Variants in LRRC31 observed in about 807,000 individuals in gnomAD.
The protein encoded by LRRC31 is leucine rich repeat containing 31.
Under a neutral mutation model 46.7 loss-of-function variants are expected in LRRC31, and 35 were observed. The ratio of observed to expected loss-of-function variants is 0.75; its 90% CI spans 0.57 to 0.99. The LOEUF is 0.99. LRRC31 is among the 50% of genes least tolerant of loss of function. The probability of loss-of-function intolerance (pLI) is 0.00; values close to 1 mark genes in which losing one functional copy is unlikely to be tolerated. For missense variants in LRRC31, 613 were observed against 626.1 expected, an observed-to-expected ratio of 0.98 and a Z score of 0.22; for synonymous variants, 236 against 235.1, an observed-to-expected ratio of 1.00 and a Z score of -0.03.
intron 1 of LRRC31, among the ~76,000 whole-genome samples, 158 bp downstream of exon 1, chr3:169,869,475 T>A (rs1454506644): frequency 6.6e-6 from 1 of 152,066 alleles, no homozygotes; most frequent in Non-Finnish European, 1.5e-5. Context: ...CACAATATGA[T>A]TATTAGGCAT....
intron 1 of LRRC31, among the ~76,000 whole-genome samples, chr3:169,865,851 CG>C (rs2108230361): frequency 6.6e-6 from 1 of 151,786 alleles, no homozygotes; most frequent in Admixed American, 6.6e-5. Context: ...AGGGATAAGT[CG>C]GGGGGTTGCA....
At chr3:169,856,292 T>TATA (rs776422337) in intron 5 of LRRC31, 44 bp downstream of exon 5, 57 of 1,243,862 alleles carry the variant, frequency 4.6e-5, no homozygotes, top group Non-Finnish European at 6.2e-5. Flanking sequence ...GTATATCATA[T>TATA]ATAATTATAC....
In LRRC31 at chr3:169,840,159, A is replaced by G; in HGVS notation, c.1482T>C (p.Asn494=). The change falls in exon 9 of 9, where the codon AAT becomes AAC. Residue 494 remains asparagine, a synonymous_variant. Coordinates refer to ENST00000316428, the MANE Select transcript of LRRC31 (RefSeq NM_024727.4). ...TAAACCATTGTCCACAATCTCGAAA[A>G]TTTGATGGTCGAAGGCTAATATCCA... ...IELDISLRPS[N]FRDCGQWFRH... is the part of the protein sequence containing the mutation. The G allele has an allele frequency of 3.1e-6, 5 of 1,614,142 alleles. No homozygotes were observed. The highest frequency in any genetic ancestry group is 4.2e-6 in the Non-Finnish European group (5 of 1,180,036).
chr3:169,846,826 G>A (rs1780618578), intron 8 of LRRC31, among the ~76,000 whole-genome samples: 2 of 152,192 alleles, frequency 1.3e-5, no homozygotes, highest in South Asian at 4.1e-4. Context: ...ATGTAAAACT[G>A]TATTGCTATT....
intron 3 of LRRC31, 115 bp from the exon 4 acceptor site, chr3:169,856,987 C>T (rs1174899861): frequency 1.1e-6 from 1 of 947,330 alleles, no homozygotes; most frequent in East Asian, 2.7e-5. Flanking sequence ...CAGGTACTGT[C>T]CTGTTTGGCA....
chr3:169,854,285 T>C (rs1274725867), intron 6 of LRRC31, among the ~76,000 whole-genome samples: 3 of 152,238 alleles, frequency 2.0e-5, no homozygotes, highest in Non-Finnish European at 4.4e-5. Context: ...GCTTGCTCTG[T>C]TATGGGAAAT....
chr3:169,841,833 T>C lies in LRRC31; in HGVS notation c.1328-1520A>G, dbSNP rs572810411. The stretch of plus-strand genomic sequence containing the variant: ...AGGCTGAGGTGAGTGGATCACCAGG[T>C]CAGGAGTTCGAGACCAGCCTGGCCA... On this transcript the variant is annotated intron_variant, in intron 8 of 8. Transcript: ENST00000316428. Among the ~76,000 whole-genome samples the C allele has an allele frequency of 5.9e-5, 9 of 152,088 alleles. No individual in the cohort carries two copies. In the South Asian group the frequency reaches 1.4e-3, roughly 25 times the overall value.
chr3:169,863,039 C>T (rs1184624239), intron 1 of LRRC31, among the ~76,000 whole-genome samples: 4 of 151,796 alleles, frequency 2.6e-5, no homozygotes, highest in Non-Finnish European at 5.9e-5. Flanking sequence ...CCTGCCACCA[C>T]GCCCGGCTAA....
chr3:169,861,643 T>C, intron 2 of LRRC31, 27 bp downstream of exon 2: 1 of 1,609,894 alleles, frequency 6.2e-7, no homozygotes, highest in Admixed American at 1.7e-5. Context: ...CCTATCTTCC[T>C]CTATGCAAAG....
intron 8 of LRRC31, among the ~76,000 whole-genome samples, chr3:169,845,485 G>A (rs1016182544): frequency 2.6e-5 from 4 of 152,134 alleles, no homozygotes; most frequent in African/African-American, 7.2e-5. Flanking sequence ...TCAAGACAGC[G>A]TGATATTGGT....
chr3:169,869,034 T>TGGGCAACATGATGAAACCCCATCTCTAC (rs1560637239), intron 1 of LRRC31, among the ~76,000 whole-genome samples: 1 of 151,100 alleles, frequency 6.6e-6, no homozygotes, highest in Admixed American at 6.6e-5. Context: ...TTGTGCTCTT[T>TGGGCAACATGATGAAACCCCATCTCTAC]TAGTTATTTT....
chr3:169,842,397 C>T (rs1486055722), intron 8 of LRRC31, among the ~76,000 whole-genome samples: 1 of 152,196 alleles, frequency 6.6e-6, no homozygotes, highest in Non-Finnish European at 1.5e-5. Flanking sequence ...CTTGCCCAGG[C>T]TGGAGTGCAA....
intron 1 of LRRC31, among the ~76,000 whole-genome samples, chr3:169,863,341 G>A (rs1781231982): frequency 6.6e-6 from 1 of 152,168 alleles, no homozygotes; most frequent in African/African-American, 2.4e-5. Context: ...GAAATAATAA[G>A]TTCTGGAATG....
In LRRC31 at chr3:169,847,475, G is replaced by A. The variant is rs367738626; in HGVS notation, c.1327+645C>T. Among the ~76,000 whole-genome samples the A allele has an allele frequency of 6.6e-5, 10 of 152,312 alleles. No homozygotes were observed. In the East Asian group the frequency reaches 7.7e-4, roughly 12 times the overall value. The stretch of plus-strand genomic sequence containing the variant: ...GTTGGGATTATAGGCGTGAGCCACC[G>A]TGCCCAGACACATAAAATGATTTTA... On this transcript the variant is annotated intron_variant, in intron 8 of 8. Transcript: ENST00000316428.
chr3:169,851,054 G>A (rs1005747266), intron 7 of LRRC31, among the ~76,000 whole-genome samples: 1 of 152,078 alleles, frequency 6.6e-6, no homozygotes, highest in African/African-American at 2.4e-5. Context: ...AGATTCCTCA[G>A]ACAGCACATA....
At chr3:169,857,345 T>TATATATATATATATATATATACAC (rs1491209579) in intron 3 of LRRC31, among the ~76,000 whole-genome samples, 10 of 89,408 alleles carry the variant, frequency 1.1e-4, no homozygotes, top group Non-Finnish European at 1.5e-4. Flanking sequence ...TATATATATA[T>TATATATATATATATATATATACAC]ACACACACAC....
chr3:169,841,843 G>A (rs894806760), intron 8 of LRRC31, among the ~76,000 whole-genome samples: 9 of 151,826 alleles, frequency 5.9e-5, no homozygotes, highest in Admixed American at 2.6e-4. Flanking sequence ...TCAGGAGTTC[G>A]AGACCAGCCT....
intron 8 of LRRC31, among the ~76,000 whole-genome samples, chr3:169,841,424 G>A (rs1780444508): frequency 6.6e-6 from 1 of 152,128 alleles, no homozygotes; most frequent in Non-Finnish European, 1.5e-5. Flanking sequence ...ACTTTCACTT[G>A]CCAACAGTTT....
chr3:169,845,277 A>G (rs1055429451), intron 8 of LRRC31, among the ~76,000 whole-genome samples: 4 of 152,186 alleles, frequency 2.6e-5, no homozygotes, highest in African/African-American at 7.2e-5. Context: ...TTAAGATGTC[A>G]TTTCTCCCTG....
Sources: gnomAD v4.1 joint callset for allele counts (sites outside exome capture counted in the v4.1 genomes callset) on GRCh38, gnomAD v4.1.1 for gene constraint, MANE v1.5 for transcripts, NCBI Gene and HGNC (gene_info 2026-07-23, HGNC 2026-07-21) for gene names.